KIR3DL1: variants seen among roughly 807,000 people sequenced by gnomAD.
KIR3DL1 encodes killer cell immunoglobulin-like receptor 3DL1.
In KIR3DL1, 50 loss-of-function variants were observed where a neutral mutation model predicts 40.3. That is an observed-to-expected ratio of 1.24 (90% CI 0.99 to 1.57). KIR3DL1 has a LOEUF of 1.57. KIR3DL1 is among the 40% of genes most tolerant of loss of function. The pLI is 0.00. For synonymous variants in KIR3DL1, 257 were observed against 207.2 expected, an observed-to-expected ratio of 1.24 and a Z score of -2.07; for missense variants, 661 against 559.9, an observed-to-expected ratio of 1.18 and a Z score of -1.82.
In KIR3DL1 at chr19:54,821,093, G is replaced by C. The variant is rs367770971; in HGVS notation, c.656-472G>C. On this transcript the variant is annotated intron_variant, in intron 4 of 8. Transcript: ENST00000391728. ...GGCAGACAGAGAGGTAATAGAGAGA[G>C]AGATAGATGATACATATATAGATAA... is the stretch of plus-strand genomic sequence containing the variant. Among the ~76,000 whole-genome samples the C allele has an allele frequency of 9.3e-4, 139 of 150,206 alleles. 6 individuals are homozygous for C. The highest frequency in any genetic ancestry group is 3.3e-3 in the African/African-American group (133 of 40,712).
intron 3 of KIR3DL1, among the ~76,000 whole-genome samples, 185 bp downstream of exon 3, chr19:54,818,784 T>C (rs2061487902): frequency 6.6e-6 from 1 of 150,984 alleles, no homozygotes; most frequent in African/African-American, 2.4e-5. Flanking sequence ...GGCTACATTG[T>C]AATCCCTGGA....
intron 3 of KIR3DL1, 56 bp from the exon 4 acceptor site, chr19:54,819,657 C>T (rs1237749820): frequency 1.2e-5 from 18 of 1,556,440 alleles, no homozygotes; most frequent in Admixed American, 1.7e-5. Context: ...ATTCCAGGTG[C>T]CATGGATGGG....
Position 54,816,473 on chromosome 19 carries a change from G to A in KIR3DL1, c.-28G>A, listed in dbSNP as rs749578744. On this transcript the variant is annotated 5_prime_UTR_variant, in exon 1 of 9. Transcript: ENST00000391728. ...GTGCGCTGCTGAGCTGAGCTGGGGC[G>A]CAGCCGCCTGTCTGCACCGGCAGCA... 7.7e-5 allele frequency: 124 copies of A among 1,603,818 alleles called. 4 individuals carry two copies. The highest frequency in any genetic ancestry group is 6.8e-5 in the East Asian group (3 of 44,376).
At chr19:54,819,880 G>T in exon 4 of KIR3DL1, 1 of 1,612,228 alleles carries the variant, frequency 6.2e-7, no homozygotes, top group South Asian at 1.1e-5. Flanking sequence ...CCATGATGGG[G>T]TCTCCAAGGC....
Position 54,821,687 on chromosome 19 carries a change from G to A in KIR3DL1, c.778G>A (p.Gly260Arg), listed in dbSNP as rs1226701657. 7.5e-6 allele frequency: 12 copies of A among 1,609,646 alleles called. 1 individual carries two copies. In the African/African-American group the frequency reaches 1.5e-4, roughly 20 times the overall value. ...CATGTACCATCTATCCAGGGAGGGG[G>A]GAGCCCATGAACGTAGGCTCCCTGC... Residue 260 changes from glycine (G) to arginine (R), a missense_variant, in exon 5 of 9, where the codon GGA becomes AGA. Gly to Arg is a moderately radical substitution (Grantham distance 125, BLOSUM62 -2). Around this residue, in one of 3 missense-constraint regions of KIR3DL1, gnomAD observed 548 missense variants for 413.3 expected, o/e 1.33. Coordinates refer to ENST00000391728, the Ensembl canonical transcript of KIR3DL1.
At chr19:54,830,146 T>A (rs610020) in exon 9 of KIR3DL1, 4 of 1,523,650 alleles carry the variant, frequency 2.6e-6, no homozygotes, top group Non-Finnish European at 2.7e-6. Flanking sequence ...CACAGTTGGA[T>A]CACTGCGTTT....
intron 5 of KIR3DL1, among the ~76,000 whole-genome samples, chr19:54,823,712 G>A (rs1237493759): frequency 6.6e-6 from 1 of 151,426 alleles, no homozygotes; most frequent in East Asian, 1.9e-4. Context: ...TGGTCAGGCT[G>A]GTCTCCCGAC....
In KIR3DL1 at chr19:54,826,278, C is replaced by A. The variant is rs1391729915; in HGVS notation, c.1000+1200C>A. Reference sequence around the variant, plus strand: ...CAAGTGGACCAATAAATGAATGATCCATTGGGAAGCATCTGTGCATGAAAT... The same window carrying A: ...CAAGTGGACCAATAAATGAATGATCAATTGGGAAGCATCTGTGCATGAAAT... On this transcript the variant is annotated intron_variant, in intron 6 of 8. Coordinates refer to ENST00000391728, the Ensembl canonical transcript of KIR3DL1. 8.7e-5 allele frequency among the ~76,000 whole-genome samples: 13 copies of A among 149,910 alleles called. 1 individual carries two copies. Among genetic ancestry groups the A allele is most frequent in the African/African-American group, 3.2e-4 (13 of 40,042 alleles).
At chr19:54,823,893 CTA>C (rs1042503152) in intron 5 of KIR3DL1, among the ~76,000 whole-genome samples, 3 of 151,396 alleles carry the variant, frequency 2.0e-5, no homozygotes, top group African/African-American at 7.3e-5. Context: ...ATCGCCATTT[CTA>C]TGTTTTGTTT....
intron 5 of KIR3DL1, among the ~76,000 whole-genome samples, chr19:54,824,214 G>A (rs2148141831): frequency 6.6e-6 from 1 of 151,662 alleles, no homozygotes; most frequent in African/African-American, 2.4e-5. Context: ...TGTTTCATAG[G>A]TTCAGGCCTT....
intron 6 of KIR3DL1, among the ~76,000 whole-genome samples, chr19:54,827,855 CT>C (rs2061985615): frequency 1.3e-5 from 2 of 150,444 alleles, no homozygotes; most frequent in African/African-American, 5.0e-5. Context: ...AGAAAGTGCT[CT>C]GGTCATCACA....
chr19:54,829,270 A>T (rs2062078560), intron 6 of KIR3DL1, 91 bp from the exon 7 acceptor site: 1 of 1,095,928 alleles, frequency 9.1e-7, no homozygotes, highest in Non-Finnish European at 1.3e-6. Flanking sequence ...GAGATGCTGT[A>T]AGTGGTTACC....
At chr19:54,827,297 G>A (rs1457768658) in intron 6 of KIR3DL1, among the ~76,000 whole-genome samples, 1 of 151,222 alleles carries the variant, frequency 6.6e-6, no homozygotes, top group Non-Finnish European at 1.5e-5. Context: ...ACCTATTATA[G>A]CATAGTATAC....
chr19:54,828,004 C>G (rs62124149), intron 6 of KIR3DL1, among the ~76,000 whole-genome samples: 1 of 146,986 alleles, frequency 6.8e-6, no homozygotes, highest in East Asian at 2.0e-4. Context: ...GAGATCAGTG[C>G]CAGCACTAGC....
chr19:54,828,715 G>C (rs570929855), intron 6 of KIR3DL1, among the ~76,000 whole-genome samples: 3 of 148,778 alleles, frequency 2.0e-5, no homozygotes, highest in Admixed American at 6.7e-5. Flanking sequence ...CCTGATCTCA[G>C]GACTTTGCTG....
exon 4 of KIR3DL1, chr19:54,819,840 T>G (rs763719139): frequency 6.2e-7 from 1 of 1,611,970 alleles, no homozygotes; most frequent in African/African-American, 1.3e-5. Flanking sequence ...AGGGGATCTC[T>G]AAGGACCCCT....
At chr19:54,826,033 A>C (rs3826874) in intron 6 of KIR3DL1, among the ~76,000 whole-genome samples, 28,151 of 150,254 alleles carry the variant, frequency 0.19, 2,870 homozygotes, top group East Asian at 0.46. Context: ...CCCTTGTTTT[A>C]AGTTCAGCTG....
intron 3 of KIR3DL1, among the ~76,000 whole-genome samples, chr19:54,819,189 C>T (rs184315115): frequency 0.18 from 27,526 of 149,710 alleles, 2,974 homozygotes; most frequent in South Asian, 0.31. Context: ...TGTTCTCTCC[C>T]GCTGCCATGT....
intron 6 of KIR3DL1, among the ~76,000 whole-genome samples, chr19:54,826,291 C>G (rs1470934564): frequency 1.3e-5 from 2 of 150,106 alleles, no homozygotes; most frequent in Admixed American, 6.6e-5. Flanking sequence ...TGGGAAGCAT[C>G]TGTGCATGAA....
Sources: gnomAD v4.1 joint callset for allele counts (sites outside exome capture counted in the v4.1 genomes callset) on GRCh38, gnomAD v4.1.1 for gene constraint, gnomAD v4.1.1 regional missense constraint, MANE v1.5 for transcripts, NCBI Gene and HGNC (gene_info 2026-07-23, HGNC 2026-07-21) for gene names.